The following FBXW7 variants were observed in gnomAD, a reference collection of about 807,000 sequenced individuals.
FBXW7 encodes the protein F-box/WD repeat-containing protein 7.
FBXW7 carries 11 observed loss-of-function variants against 86.3 expected under a neutral mutation model. That is an observed-to-expected ratio of 0.13 (90% CI 0.08 to 0.21). FBXW7 has a LOEUF of 0.21. FBXW7 is among the 10% of genes least tolerant of loss of function. The pLI, the probability that FBXW7 is intolerant of heterozygous loss-of-function variation, is 1.00. For synonymous variants in FBXW7, 313 were observed against 297.9 expected, an observed-to-expected ratio of 1.05 and a Z score of -0.52; for missense variants, 488 against 847.4, an observed-to-expected ratio of 0.58 and a Z score of 5.27.
chr4:152,505,775 T>G (rs1181055807), intron 2 of FBXW7, among the ~76,000 whole-genome samples: 2 of 150,676 alleles, frequency 1.3e-5, no homozygotes, highest in Non-Finnish European at 2.9e-5. Flanking sequence ...AGAGTCTCAC[T>G]CTGTCACCAA....
At chr4:152,414,174 T>A (rs984377573) in intron 2 of FBXW7, among the ~76,000 whole-genome samples, 3 of 152,174 alleles carry the variant, frequency 2.0e-5, no homozygotes, top group Non-Finnish European at 4.4e-5. Context: ...GCATTATAAC[T>A]AATGCCTGAA....
intron 4 of FBXW7, among the ~76,000 whole-genome samples, chr4:152,389,264 C>A (rs948789383): frequency 2.0e-5 from 3 of 151,986 alleles, no homozygotes; most frequent in African/African-American, 4.8e-5. Flanking sequence ...ATCATTTGAT[C>A]CAGCAATCCC....
At position 152,340,838 on chromosome 4, in the gene FBXW7, A is replaced by G. The variant is rs1458095737; in HGVS notation, c.727-2902T>C. On this transcript the variant is annotated intron_variant, in intron 6 of 13. Coordinates refer to ENST00000281708, the MANE Select transcript of FBXW7 (RefSeq NM_001349798.2). The stretch of plus-strand genomic sequence containing the variant: ...TATGTAATTGAAACTTAACATGTCT[A>G]TGATCTTTCTCTCCAAATCTGTATT... 2.0e-5 allele frequency among the ~76,000 whole-genome samples: 3 copies of G among 152,092 alleles called. No homozygotes were observed. In the South Asian group the frequency reaches 6.2e-4, roughly 32 times the overall value.
At chr4:152,444,240 T>A (rs1241328610) in intron 2 of FBXW7, among the ~76,000 whole-genome samples, 2 of 152,208 alleles carry the variant, frequency 1.3e-5, no homozygotes, top group Non-Finnish European at 2.9e-5. Flanking sequence ...AGACTTTACA[T>A]TAAATCATGA....
chr4:152,482,105 AT>A (rs781610511), intron 2 of FBXW7, among the ~76,000 whole-genome samples: 9 of 152,300 alleles, frequency 5.9e-5, no homozygotes, highest in Admixed American at 2.0e-4. Flanking sequence ...ATTTTTAAAA[AT>A]TGTCACAGCC....
In FBXW7 at chr4:152,408,833, G is replaced by A. The variant is rs1433645859; in HGVS notation, c.501+2470C>T. ...TAGTGTAATCTGGGGTGGATCATTC[G>A]GCCTCTCTGTAACTTTTGTTTATGT... On this transcript the variant is annotated intron_variant, in intron 4 of 13. Coordinates refer to ENST00000281708, the MANE Select transcript of FBXW7 (RefSeq NM_001349798.2). Among the ~76,000 whole-genome samples, 10 of 152,068 alleles carry A rather than the reference G, an allele frequency of 6.6e-5. 1 individual carries two copies. Among genetic ancestry groups the A allele is most frequent in the African/African-American group, 2.2e-4 (9 of 41,420 alleles).
intron 2 of FBXW7, among the ~76,000 whole-genome samples, chr4:152,443,080 C>A (rs181876831): frequency 1.4e-4 from 22 of 152,132 alleles, no homozygotes; most frequent in Non-Finnish European, 3.1e-4. Context: ...TTGACCAACA[C>A]GGAGAAGCCC....
chr4:152,469,945 T>C (rs897622709), intron 2 of FBXW7, among the ~76,000 whole-genome samples: 1 of 152,036 alleles, frequency 6.6e-6, no homozygotes, highest in Non-Finnish European at 1.5e-5. Flanking sequence ...ACTTACCAAA[T>C]ATTTAGATAG....
chr4:152,529,143 G>A (rs1749789231), intron 2 of FBXW7, among the ~76,000 whole-genome samples: 1 of 152,084 alleles, frequency 6.6e-6, no homozygotes. Context: ...TTTCTGTTTG[G>A]AGTATTTGCA....
intron 4 of FBXW7, among the ~76,000 whole-genome samples, chr4:152,401,173 G>A (rs902521275): frequency 1.3e-5 from 2 of 152,122 alleles, no homozygotes; most frequent in Admixed American, 6.5e-5. Flanking sequence ...TTGCAATCCT[G>A]GAATCACACT....
At chr4:152,324,800 C>T (rs184070247) in intron 12 of FBXW7, 86 of 168,616 alleles carry the variant, frequency 5.1e-4, no homozygotes, top group Non-Finnish European at 8.6e-4. Flanking sequence ...TTATGATAAA[C>T]GGAATGCTTA....
chr4:152,423,729 A>G (rs1025408060), intron 2 of FBXW7, among the ~76,000 whole-genome samples: 3 of 152,204 alleles, frequency 2.0e-5, no homozygotes, highest in Non-Finnish European at 2.9e-5. Flanking sequence ...CAAAACAGAC[A>G]GAGTATAAAT....
chr4:152,367,793 C>T (rs1311469231), intron 4 of FBXW7, among the ~76,000 whole-genome samples: 2 of 152,004 alleles, frequency 1.3e-5, no homozygotes, highest in African/African-American at 4.8e-5. Context: ...AAAGCATCTA[C>T]ATTTTTGTAT....
chr4:152,423,148 G>A (rs999952913), intron 2 of FBXW7, among the ~76,000 whole-genome samples: 9 of 152,112 alleles, frequency 5.9e-5, no homozygotes, highest in African/African-American at 1.2e-4. Flanking sequence ...TCCTTCTTAT[G>A]ATTTTAGCAG....
intron 4 of FBXW7, among the ~76,000 whole-genome samples, chr4:152,351,134 A>T (rs986559311): frequency 6.6e-6 from 1 of 152,088 alleles, no homozygotes; most frequent in Non-Finnish European, 1.5e-5. Context: ...AGCTATCCTC[A>T]TGTTTATAAG....
chr4:152,401,327 A>T (rs888222909), intron 4 of FBXW7, among the ~76,000 whole-genome samples: 1 of 152,272 alleles, frequency 6.6e-6, no homozygotes, highest in African/African-American at 2.4e-5. Flanking sequence ...AAACTGTGGT[A>T]TATCCAAACA....
rs1245385235 is a variant in FBXW7 at position 152,330,787 on chromosome 4, A to T, written c.1067T>A (p.Ile356Asn). The change falls in exon 9 of 14, where the codon ATC becomes AAC. Residue 356 changes from isoleucine (I) to asparagine (N), a missense_variant. Ile to Asn is a moderately radical substitution (Grantham distance 149). Around this residue, in one of 4 missense-constraint regions of FBXW7, gnomAD observed 57 missense variants for 62.8 expected, o/e 0.91. Transcript: ENST00000281708. ...FIHSPWKSAY[I>N]RQHRIDTNWR... ...GTTAGTATCAATTCTGTGCTGTCTG[A>T]TGTATGCACTTTTCCATGGACTGTG... 6.2e-7 allele frequency: 1 copy of T among 1,612,556 alleles called. No individual in the cohort carries two copies. The highest frequency in any genetic ancestry group is 8.5e-7 in the Non-Finnish European group (1 of 1,178,972).
chr4:152,373,387 T>C (rs904085508), intron 4 of FBXW7, among the ~76,000 whole-genome samples: 3 of 152,022 alleles, frequency 2.0e-5, no homozygotes. Context: ...TAGTATTTAT[T>C]TTCTGTCTCC....
chr4:152,464,224 G>A (rs182172624), intron 2 of FBXW7, among the ~76,000 whole-genome samples: 1 of 152,218 alleles, frequency 6.6e-6, no homozygotes, highest in East Asian at 1.9e-4. Flanking sequence ...CACCTAGAAT[G>A]GACTATAACA....
Sources: allele counts gnomAD v4.1 joint callset (sites outside exome capture counted in the v4.1 genomes callset), GRCh38; gene constraint gnomAD v4.1.1; regional missense constraint gnomAD v4.1.1; transcripts MANE v1.5; gene names NCBI Gene and HGNC (gene_info 2026-07-23, HGNC 2026-07-21).